Variants in DMD observed in about 807,000 individuals in gnomAD.
DMD encodes the protein mutant dystrophin.
Under a neutral mutation model 330.1 loss-of-function variants are expected in DMD, and 63 were observed. The observed-to-expected ratio is 0.19, with a 90% CI of 0.16 to 0.24. The LOEUF (loss-of-function observed/expected upper bound fraction) is 0.24. Among genes scored for constraint, DMD ranks in the 10% least tolerant of loss-of-function variants. The pLI, the probability that DMD is intolerant of heterozygous loss-of-function variation, is 1.00. For missense variants in DMD, 3,344 were observed against 2,684.1 expected (o/e 1.25, Z -5.43); for synonymous variants, 1,223 against 959.8 (o/e 1.27, Z -5.07).
intron 60 of DMD, among the ~76,000 whole-genome samples, chrX:31,358,702 A>G (rs1281414168): frequency 5.3e-5 from 6 of 112,523 alleles, no homozygotes; most frequent in Non-Finnish European, 1.1e-4. Context: ...TTGTTCCCAT[A>G]TTTTCCATAA....
chrX:32,737,045 GAGTA>G (rs1348871432), intron 7 of DMD, among the ~76,000 whole-genome samples: 1 of 110,401 alleles, frequency 9.1e-6, no homozygotes, highest in African/African-American at 3.3e-5. Context: ...CTCATAAATA[GAGTA>G]AGTTTTAATT....
intron 52 of DMD, among the ~76,000 whole-genome samples, chrX:31,685,532 C>A (rs1282937057): frequency 1.8e-5 from 2 of 112,301 alleles, no homozygotes; most frequent in Admixed American, 9.4e-5. Flanking sequence ...CTGTGTGCTA[C>A]TATGATTTAC....
chrX:32,027,270 G>T (rs1260532522), intron 44 of DMD, among the ~76,000 whole-genome samples: 1 of 108,659 alleles, frequency 9.2e-6, no homozygotes, highest in Non-Finnish European at 1.9e-5. Flanking sequence ...CTTTCATCCT[G>T]TTCTCTAGCA....
chrX:32,938,771 T>A (rs868306496), intron 2 of DMD, among the ~76,000 whole-genome samples: 4 of 111,536 alleles, frequency 3.6e-5, no homozygotes, highest in South Asian at 7.4e-4. Context: ...GAATATAGAT[T>A]CTCACCAGTT....
At chrX:32,355,422 A>G (rs1281975234) in intron 37 of DMD, among the ~76,000 whole-genome samples, 1 of 111,511 alleles carries the variant, frequency 9.0e-6, no homozygotes. Flanking sequence ...ATCTACTGAC[A>G]CTGATCAGGG....
intron 2 of DMD, among the ~76,000 whole-genome samples, chrX:32,946,093 C>G (rs1385308760): frequency 9.0e-6 from 1 of 111,430 alleles, no homozygotes; most frequent in Non-Finnish European, 1.9e-5. Context: ...TGTTTGAAAG[C>G]ATTTCTCAAT....
At chrX:31,652,188 A>C (rs2080497599) in intron 54 of DMD, among the ~76,000 whole-genome samples, 1 of 111,480 alleles carries the variant, frequency 9.0e-6, no homozygotes, top group Admixed American at 9.5e-5. Flanking sequence ...CCACATCCTC[A>C]GGTCTTTTAG....
At chrX:33,103,984 A>G (rs1334883587) in intron 1 of DMD, among the ~76,000 whole-genome samples, 1 of 111,895 alleles carries the variant, frequency 8.9e-6, no homozygotes, top group Non-Finnish European at 1.9e-5. Context: ...TTCCAAACTG[A>G]TAAGTCCTCA....
chrX:31,122,558 A>AAATAATAATAATAAACTCTTG (rs1314219272), intron 78 of DMD, among the ~76,000 whole-genome samples: 5 of 111,370 alleles, frequency 4.5e-5, no homozygotes, highest in Non-Finnish European at 9.4e-5. Flanking sequence ...TTGGGTTGAA[A>AAATAATAATAATAAACTCTTG]AATAATAATA....
intron 44 of DMD, among the ~76,000 whole-genome samples, chrX:32,075,569 A>G (rs1251329936): frequency 9.0e-6 from 1 of 111,614 alleles, no homozygotes; most frequent in African/African-American, 3.3e-5. Flanking sequence ...TTCTTGTGAA[A>G]CCGTTGTTTA....
chrX:31,992,210 T>C (rs1330773476), intron 44 of DMD, among the ~76,000 whole-genome samples: 1 of 111,694 alleles, frequency 9.0e-6, no homozygotes, highest in Non-Finnish European at 1.9e-5. Flanking sequence ...AGAGAGAGGA[T>C]AGTGAAGGAT....
rs373813780 is a variant in DMD, at chrX:33,020,728, T to C, written c.32-528A>G. 1.3e-4 allele frequency among the ~76,000 whole-genome samples: 14 copies of C among 111,603 alleles called. No homozygotes were observed. The East Asian group carries it at 2.0e-3, about 16-fold the overall frequency. On this transcript the variant is annotated intron_variant, in intron 1 of 78. Coordinates refer to ENST00000357033, the MANE Select transcript of DMD (RefSeq NM_004006.3). Reference sequence around the variant, plus strand: ...ATGACCAAACCCATAGTCGTTCAAATACTGTATGATTATAAAAAAATAGTC... The same window carrying C: ...ATGACCAAACCCATAGTCGTTCAAACACTGTATGATTATAAAAAAATAGTC...
chrX:31,211,294 T>C (rs773766990), intron 64 of DMD, among the ~76,000 whole-genome samples: 10 of 112,160 alleles, frequency 8.9e-5, no homozygotes, highest in Non-Finnish European at 1.7e-4. Flanking sequence ...TTCTGTGTGC[T>C]TGTTTTCCTC....
intron 52 of DMD, among the ~76,000 whole-genome samples, chrX:31,726,087 C>T (rs1356524820): frequency 1.8e-5 from 2 of 111,680 alleles, no homozygotes; most frequent in South Asian, 3.7e-4. Context: ...ATGAGCAATT[C>T]GAATATTAGA....
In DMD at chrX:32,671,741, G is replaced by A. The variant is rs200020566; in HGVS notation, c.960+26129C>T. Among the ~76,000 whole-genome samples the A allele has an allele frequency of 5.4e-5, 6 of 111,795 alleles. No homozygotes were observed. The East Asian group carries it at 1.7e-3, about 31-fold the overall frequency. On this transcript the variant is annotated intron_variant, in intron 9 of 78. Transcript: ENST00000357033. ...TTTATTCAGCTTATTAAACCCTATG[G>A]TTTGTTTCTGTAAATTCTATAGTAC... is the stretch of plus-strand genomic sequence containing the variant.
At chrX:31,902,547 G>A (rs765637479) in intron 47 of DMD, among the ~76,000 whole-genome samples, 4 of 111,636 alleles carry the variant, frequency 3.6e-5, no homozygotes, top group African/African-American at 9.8e-5. Context: ...GAACCAGTGA[G>A]TAGAGCGTAG....
intron 62 of DMD, among the ~76,000 whole-genome samples, chrX:31,305,772 G>A (rs1478317857): frequency 8.9e-6 from 1 of 112,373 alleles, no homozygotes; most frequent in African/African-American, 3.2e-5. Context: ...CTTTGATAAA[G>A]GTCAAGGTTT....
At chrX:31,384,893 G>A (rs1003748678) in intron 60 of DMD, among the ~76,000 whole-genome samples, 2 of 112,463 alleles carry the variant, frequency 1.8e-5, no homozygotes, top group African/African-American at 3.2e-5. Flanking sequence ...AACGATGTGC[G>A]TAGGATGTCT....
intron 57 of DMD, among the ~76,000 whole-genome samples, chrX:31,483,778 T>G (rs2068570106): frequency 8.9e-6 from 1 of 112,193 alleles, no homozygotes; most frequent in Non-Finnish European, 1.9e-5. Flanking sequence ...AATAGTTGGT[T>G]CAAGGAGGTC....
Sources: gnomAD v4.1 joint callset for allele counts (sites outside exome capture counted in the v4.1 genomes callset) on GRCh38, gnomAD v4.1.1 for gene constraint, MANE v1.5 for transcripts, NCBI Gene and HGNC (gene_info 2026-07-23, HGNC 2026-07-21) for gene names.